Variants in HPSE2 observed in about 807,000 individuals in gnomAD.
HPSE2 encodes inactive heparanase-2.
Under a neutral mutation model 60.5 loss-of-function variants are expected in HPSE2, and 38 were observed. That is an observed-to-expected ratio of 0.63 (90% CI 0.48 to 0.82). The LOEUF is 0.82. Ranked by LOEUF, HPSE2 falls within the 40% of genes least tolerant of loss-of-function variation. The pLI is 0.00. For synonymous variants in HPSE2, 295 were observed against 293.2 expected, an observed-to-expected ratio of 1.01 and a Z score of -0.06; for missense variants, 713 against 740.4, an observed-to-expected ratio of 0.96 and a Z score of 0.43.
At chr10:98,975,767 G>C (rs1195326063) in intron 3 of HPSE2, among the ~76,000 whole-genome samples, 2 of 152,152 alleles carry the variant, frequency 1.3e-5, no homozygotes. Flanking sequence ...AAACAGTTGA[G>C]GTTGGAGCTA....
chr10:99,271,659 T>C, the HPSE2 span, among the ~76,000 whole-genome samples: 2 of 152,172 alleles, frequency 1.3e-5, no homozygotes, highest in East Asian at 3.9e-4. Context: ...ATAATTCATA[T>C]GGAGCCAAAA....
At chr10:98,471,627 C>T (rs7897846) in intron 11 of HPSE2, among the ~76,000 whole-genome samples, 61,563 of 151,792 alleles carry the variant, frequency 0.41, 13,569 homozygotes, top group African/African-American at 0.6. Context: ...TGCTGTTTCA[C>T]TGGAACTGCT....
chr10:98,892,025 C>A (rs1774567056), intron 3 of HPSE2, among the ~76,000 whole-genome samples: 1 of 152,162 alleles, frequency 6.6e-6, no homozygotes, highest in African/African-American at 2.4e-5. Context: ...CCCACCTCAG[C>A]CTCCTAAAGT....
intron 3 of HPSE2, among the ~76,000 whole-genome samples, chr10:99,057,405 A>T (rs1479298356): frequency 6.6e-6 from 1 of 152,154 alleles, no homozygotes; most frequent in Non-Finnish European, 1.5e-5. Context: ...TACTCTACAG[A>T]TTAGGAAAGG....
chr10:98,991,683 A>G (rs147472419), intron 3 of HPSE2, among the ~76,000 whole-genome samples: 172 of 152,282 alleles, frequency 1.1e-3, no homozygotes, highest in Non-Finnish European at 2.1e-3. Flanking sequence ...AAAGTAAAGG[A>G]TAAAGGAGGG....
intron 9 of HPSE2, among the ~76,000 whole-genome samples, chr10:98,512,795 T>C (rs986777049): frequency 3.1e-5 from 1 of 32,188 alleles, no homozygotes; most frequent in African/African-American, 5.4e-5. Context: ...CCCAGACCCA[T>C]TCCACTCCCA....
At chr10:99,275,887 T>C in the HPSE2 span, among the ~76,000 whole-genome samples, 1 of 152,112 alleles carries the variant, frequency 6.6e-6, no homozygotes, top group Non-Finnish European at 1.5e-5. Context: ...GGGAAGAGAT[T>C]ATTACATGAA....
chr10:98,884,882 C>G (rs1395141698), intron 3 of HPSE2, among the ~76,000 whole-genome samples: 2 of 152,166 alleles, frequency 1.3e-5, no homozygotes, highest in African/African-American at 4.8e-5. Context: ...GCTAACCCAG[C>G]ATCCATTCTG....
intron 3 of HPSE2, among the ~76,000 whole-genome samples, chr10:99,009,422 A>AAAACAAAC (rs530057453): frequency 6.6e-6 from 1 of 152,038 alleles, no homozygotes; most frequent in African/African-American, 2.4e-5. Context: ...CCAGTCTCAA[A>AAAACAAAC]AAACAAACAA....
At chr10:98,464,376 A>G (rs1940438188) in intron 11 of HPSE2, among the ~76,000 whole-genome samples, 1 of 152,166 alleles carries the variant, frequency 6.6e-6, no homozygotes. Context: ...AGCATGACCA[A>G]ATAAAATGAC....
intron 3 of HPSE2, among the ~76,000 whole-genome samples, chr10:98,959,107 C>T (rs969802810): frequency 1.3e-5 from 2 of 152,040 alleles, no homozygotes; most frequent in African/African-American, 4.8e-5. Context: ...AATATATTTA[C>T]TATTATTCCA....
At chr10:98,558,487 G>A (rs1298439325) in intron 9 of HPSE2, among the ~76,000 whole-genome samples, 2 of 152,198 alleles carry the variant, frequency 1.3e-5, no homozygotes, top group East Asian at 3.8e-4. Context: ...CAAATATAAT[G>A]TTGAGCGAAA....
At chr10:99,268,913 T>C in the HPSE2 span, among the ~76,000 whole-genome samples, 3 of 151,890 alleles carry the variant, frequency 2.0e-5, no homozygotes, top group African/African-American at 7.3e-5. Flanking sequence ...CCAGTACTTT[T>C]GGGAGGCCGA....
chr10:98,498,190 C>T (rs1314406262), intron 9 of HPSE2, among the ~76,000 whole-genome samples: 1 of 152,160 alleles, frequency 6.6e-6, no homozygotes, highest in Non-Finnish European at 1.5e-5. Flanking sequence ...ACTGCAAGAA[C>T]AACCAGCAAT....
intron 3 of HPSE2, among the ~76,000 whole-genome samples, chr10:99,038,640 A>G (rs1054063481): frequency 6.6e-6 from 1 of 152,098 alleles, no homozygotes; most frequent in Admixed American, 6.6e-5. Context: ...ATATGAAAAA[A>G]TGACATAGAA....
intron 3 of HPSE2, among the ~76,000 whole-genome samples, chr10:98,988,141 C>G (rs1390016447): frequency 6.6e-6 from 1 of 152,204 alleles, no homozygotes; most frequent in African/African-American, 2.4e-5. Context: ...TTGGAAAAAA[C>G]TACTTTAAAG....
At chr10:99,065,356 A>G (rs1842579779) in intron 3 of HPSE2, among the ~76,000 whole-genome samples, 1 of 152,140 alleles carries the variant, frequency 6.6e-6, no homozygotes, top group South Asian at 2.1e-4. Flanking sequence ...GCTTTCCAAG[A>G]TATCCATCTC....
intron 11 of HPSE2, among the ~76,000 whole-genome samples, chr10:98,476,029 T>G (rs955406700): frequency 2.6e-5 from 4 of 151,868 alleles, no homozygotes; most frequent in Non-Finnish European, 4.4e-5. Context: ...CACACGTATG[T>G]TTATTGCGGC....
intron 3 of HPSE2, among the ~76,000 whole-genome samples, chr10:99,143,162 A>G (rs935077306): frequency 6.6e-6 from 1 of 152,184 alleles, no homozygotes; most frequent in Non-Finnish European, 1.5e-5. Context: ...AACAGGGCCT[A>G]TACTTATGAA....
Sources: allele counts gnomAD v4.1 joint callset (sites outside exome capture counted in the v4.1 genomes callset), GRCh38; gene constraint gnomAD v4.1.1; transcripts MANE v1.5; gene names NCBI Gene and HGNC (gene_info 2026-07-23, HGNC 2026-07-21).